Variants in LAPTM4A observed in about 807,000 individuals in gnomAD.
LAPTM4A encodes the protein lysosomal protein transmembrane 4 alpha.
A neutral mutation model predicts 29.9 loss-of-function variants in LAPTM4A; 19 were observed. The ratio of observed to expected loss-of-function variants is 0.64; its 90% confidence interval spans 0.44 to 0.93. LAPTM4A has a LOEUF of 0.93. Among genes scored for constraint, LAPTM4A ranks in the 40% least tolerant of loss-of-function variants. The probability of loss-of-function intolerance (pLI) is 0.00; values close to 1 mark genes in which losing one functional copy is unlikely to be tolerated. For missense variants in LAPTM4A, 293 were observed against 288.5 expected (o/e 1.02, Z -0.11); for synonymous variants, 105 against 102.1 (o/e 1.03, Z -0.17).
At chr2:20,041,796 A>T (rs1278426421) in intron 1 of LAPTM4A, among the ~76,000 whole-genome samples, 1 of 152,196 alleles carries the variant, frequency 6.6e-6, no homozygotes, top group Non-Finnish European at 1.5e-5. Flanking sequence ...CTAGCCTCCC[A>T]AAGTGTTGGT....
intron 5 of LAPTM4A, 35 bp downstream of exon 5, chr2:20,034,932 C>T (rs1219292947): frequency 2.0e-6 from 3 of 1,465,136 alleles, no homozygotes; most frequent in East Asian, 2.4e-5. Context: ...CAGTGTCAAT[C>T]TCAGTCACCC....
chr2:20,040,031 C>G (rs952714609), intron 2 of LAPTM4A, among the ~76,000 whole-genome samples: 1 of 151,888 alleles, frequency 6.6e-6, no homozygotes, highest in Non-Finnish European at 1.5e-5. Context: ...GGGCAACAAG[C>G]GCAAAACTCT....
At chr2:20,049,206 A>T (rs528964532) in intron 1 of LAPTM4A, among the ~76,000 whole-genome samples, 2 of 152,354 alleles carry the variant, frequency 1.3e-5, no homozygotes, top group South Asian at 2.1e-4. Context: ...AAACAAGGCA[A>T]ATGACACATG....
chr2:20,034,323 A>T lies in LAPTM4A; in HGVS notation c.621T>A (p.Pro207=). 1.2e-6 allele frequency: 2 copies of T among 1,609,780 alleles called. No homozygotes were observed. Among genetic ancestry groups the T allele is most frequent in the Non-Finnish European group, 1.7e-6 (2 of 1,175,986 alleles). Residue 207 remains proline, a synonymous_variant, in exon 6 of 7, where the codon CCT becomes CCA. Transcript: ENST00000175091. ...CTATCCAACAGTAGCTAACCTGAGG[A>T]GGTGCTTCAAAGGCAGGGTACACAG... The part of the protein sequence containing the change: ...EIAVYPAFEA[P]PQYVLPTYEM...
chr2:20,047,772 G>A (rs529319855), intron 1 of LAPTM4A, among the ~76,000 whole-genome samples: 303 of 151,942 alleles, frequency 2.0e-3, no homozygotes, highest in South Asian at 0.012. Context: ...TTGGCAAAAT[G>A]TTGTTAATGG....
intron 4 of LAPTM4A, among the ~76,000 whole-genome samples, chr2:20,035,742 G>A (rs1013369301): frequency 3.9e-5 from 6 of 152,180 alleles, no homozygotes; most frequent in African/African-American, 1.4e-4. Context: ...CTTCCAGTCT[G>A]AGGCACTAAG....
At chr2:20,037,691 T>A in intron 2 of LAPTM4A, 77 bp from the exon 3 acceptor site, 1 of 883,356 alleles carries the variant, frequency 1.1e-6, no homozygotes. Flanking sequence ...AAGCTAGCTT[T>A]AAAATATTAA....
intron 1 of LAPTM4A, among the ~76,000 whole-genome samples, chr2:20,050,416 C>G (rs1475007101): frequency 6.6e-6 from 1 of 152,192 alleles, no homozygotes; most frequent in Admixed American, 6.5e-5. Flanking sequence ...CACAGTATCA[C>G]CAACGTCACC....
At chr2:20,043,268 G>T (rs551846915) in intron 1 of LAPTM4A, among the ~76,000 whole-genome samples, 217 of 146,644 alleles carry the variant, frequency 1.5e-3, no homozygotes, top group African/African-American at 5.0e-3. Flanking sequence ...AGGCTGGAGT[G>T]CAGTGGCACG....
intron 2 of LAPTM4A, 108 bp from the exon 3 acceptor site, chr2:20,037,722 G>A: frequency 1.5e-6 from 1 of 671,614 alleles, no homozygotes; most frequent in South Asian, 3.0e-5. Context: ...TTTCAAAATT[G>A]GCTATAAAAA....
At chr2:20,037,216 G>A (rs761898381) in intron 4 of LAPTM4A, 100 bp downstream of exon 4, 61 of 944,924 alleles carry the variant, frequency 6.5e-5, no homozygotes, top group Admixed American at 1.3e-4. Context: ...AAAAGCAAGC[G>A]GAGTAGTTAA....
intron 4 of LAPTM4A, chr2:20,035,354 A>C (rs1673658321): frequency 2.9e-6 from 1 of 340,988 alleles, no homozygotes; most frequent in Non-Finnish European, 5.6e-6. Context: ...CCTTTGGAAA[A>C]ACACTATCGC....
chr2:20,048,882 G>T (rs1324964879), intron 1 of LAPTM4A, among the ~76,000 whole-genome samples: 1 of 152,176 alleles, frequency 6.6e-6, no homozygotes, highest in Non-Finnish European at 1.5e-5. Flanking sequence ...CTACAGTTTG[G>T]CTTAGGTGGT....
intron 1 of LAPTM4A, among the ~76,000 whole-genome samples, chr2:20,046,781 TATATATATAATATA>T (rs1316050633): frequency 6.9e-6 from 1 of 145,316 alleles, no homozygotes; most frequent in East Asian, 2.0e-4. Flanking sequence ...AATATATAAA[TATATATATAATATA>T]ATATATATTT....
At chr2:20,047,547 G>A (rs903136903) in intron 1 of LAPTM4A, among the ~76,000 whole-genome samples, 11 of 147,908 alleles carry the variant, frequency 7.4e-5, no homozygotes, top group African/African-American at 2.5e-5. Flanking sequence ...AAAATTAGCC[G>A]GGCGCGGTGG....
chr2:20,043,078 T>TG (rs34138707), intron 1 of LAPTM4A, among the ~76,000 whole-genome samples: 2 of 63,670 alleles, frequency 3.1e-5, no homozygotes, highest in African/African-American at 8.8e-5. Context: ...TAGCTGGGAC[T>TG]TTTTTTTTTT....
intron 1 of LAPTM4A, among the ~76,000 whole-genome samples, chr2:20,045,609 AG>A (rs1558386702): frequency 1.3e-5 from 2 of 152,212 alleles, no homozygotes; most frequent in African/African-American, 4.8e-5. Context: ...CAGTCAAATC[AG>A]GTGGTGTGCA....
At chr2:20,037,190 ATTTT>A in intron 4 of LAPTM4A, 122 bp downstream of exon 4, 2 of 748,260 alleles carry the variant, frequency 2.7e-6, no homozygotes, top group Middle Eastern at 3.5e-4. Context: ...AGAAATAATT[ATTTT>A]AAGACACTTT....
chr2:20,034,280 G>A, intron 6 of LAPTM4A, 37 bp downstream of exon 6: 1 of 1,330,102 alleles, frequency 7.5e-7, no homozygotes, highest in Non-Finnish European at 1.1e-6. Context: ...AGTCAATAGT[G>A]ACTGGTGACC....
Sources: allele counts gnomAD v4.1 joint callset (sites outside exome capture counted in the v4.1 genomes callset), GRCh38; gene constraint gnomAD v4.1.1; transcripts MANE v1.5; gene names NCBI Gene and HGNC (gene_info 2026-07-23, HGNC 2026-07-21).